KL: variants seen among roughly 807,000 people sequenced by gnomAD.
The protein encoded by KL is alpha-klotho.
Under a neutral mutation model 84.2 loss-of-function variants are expected in KL, and 62 were observed. That is an observed-to-expected ratio of 0.74 (90% CI 0.60 to 0.91). The LOEUF is 0.91. KL is among the 40% of genes least tolerant of loss of function. The pLI is 0.00. For missense variants in KL, 1,261 were observed against 1,305.7 expected, an observed-to-expected ratio of 0.97 and a Z score of 0.53; for synonymous variants, 528 against 528.0, an observed-to-expected ratio of 1.00 and a Z score of 0.00.
intron 1 of KL, among the ~76,000 whole-genome samples, chr13:33,024,358 G>A (rs1870679573): frequency 6.6e-6 from 1 of 152,210 alleles, no homozygotes; most frequent in South Asian, 2.1e-4. Context: ...TTCAGGATAA[G>A]GTGGAGGAGA....
chr13:33,024,566 G>A (rs1295747018), intron 1 of KL, among the ~76,000 whole-genome samples: 1 of 152,212 alleles, frequency 6.6e-6, no homozygotes, highest in East Asian at 1.9e-4. Flanking sequence ...TATTTGTAGG[G>A]CTCTTTTCGT....
In KL at chr13:33,054,069, C is replaced by G. The variant is rs1871859400; in HGVS notation, c.1122C>G (p.Thr374=). ...ADFFALCFGP[T]LSFQLLDPHM... is the part of the protein sequence containing the mutation. ...TTTTTGCTCTTTGCTTTGGACCCAC[C>G]TTGAGTTTTCAACTTTTGGACCCTC... Residue 374 remains threonine (T), a synonymous_variant, in exon 2 of 5, where the codon ACC becomes ACG. Coordinates refer to ENST00000380099, the MANE Select transcript of KL (RefSeq NM_004795.4). The G allele has an allele frequency of 1.2e-6, 2 of 1,613,648 alleles. No individual in the cohort carries two copies. Among genetic ancestry groups the G allele is most frequent in the East Asian group, 2.2e-5 (1 of 44,888 alleles).
At position 33,054,352 on chromosome 13, in the gene KL, A is replaced by G. The variant is rs1871874478; in HGVS notation, c.1330+75A>G. 1.4e-5 allele frequency: 20 copies of G among 1,422,400 alleles called. No homozygotes were observed. In the East Asian group the frequency reaches 4.5e-4, roughly 32 times the overall value. The allele number at this position is 1,422,400 out of a possible 1,614,324, so 88.1% of individuals were successfully genotyped here. A position where few individuals can be genotyped will look rare whatever the true frequency, so the allele number is the denominator to read the frequency against. ...AAATCTCTAAGATTATCTAACATAA[A>G]TGATGTGAATTTATATTTTTAAATC... On this transcript the variant is annotated intron_variant, in intron 2 of 4. Coordinates refer to ENST00000380099, the MANE Select transcript of KL (RefSeq NM_004795.4).
chr13:33,020,606 A>G (rs1050474929), intron 1 of KL, among the ~76,000 whole-genome samples: 1 of 152,082 alleles, frequency 6.6e-6, no homozygotes, highest in Non-Finnish European at 1.5e-5. Context: ...TTACTCTTCC[A>G]GTTGTTGGAC....
rs137860262 is a variant in KL at position 33,063,511 on chromosome 13, G to T, written c.2702-338G>T. Among the ~76,000 whole-genome samples the T allele has an allele frequency of 4.5e-3, 680 of 152,186 alleles. 7 individuals carry two copies. The highest frequency in any genetic ancestry group is 0.014 in the African/African-American group (569 of 41,502). ...AAAGTGGCCGGGCGTGGTGACTCAC[G>T]CCTGTAATCCCAGCACTTTGGGAGG... On this transcript the variant is annotated intron_variant, in intron 4 of 4. Transcript: ENST00000380099.
In KL at chr13:33,064,451, AG is replaced by A. The variant is rs1872332092; in HGVS notation, c.*266del. 2.8e-6 allele frequency: 1 copy of A among 360,370 alleles called. No individual in the cohort carries two copies. Among genetic ancestry groups the A allele is most frequent in the African/African-American group, 2.0e-5 (1 of 48,914 alleles). The allele number at this position is 360,370 out of a possible 1,614,324, so 22.3% of individuals were successfully genotyped here. ...ATAATTTCTGTAACACACTAACAAA[AG>A]CATGAAAAATAGGAACCACACCAAT... On this transcript the variant is annotated 3_prime_UTR_variant, in exon 5 of 5. Coordinates refer to ENST00000380099, the MANE Select transcript of KL (RefSeq NM_004795.4).
intron 1 of KL, among the ~76,000 whole-genome samples, chr13:33,043,466 C>T (rs938783713): frequency 7.2e-5 from 11 of 152,214 alleles, no homozygotes; most frequent in South Asian, 2.1e-4. Context: ...GTGATTCGCC[C>T]GCCTCAGCCT....
upstream of KL, chr13:33,016,397 A>T: frequency 4.4e-6 from 2 of 457,830 alleles, no homozygotes; most frequent in Non-Finnish European, 5.6e-6. Context: ...GCGCGGGCAT[A>T]AAGGGGCGCG....
At chr13:33,049,166 T>G (rs998688603) in intron 1 of KL, among the ~76,000 whole-genome samples, 11 of 152,224 alleles carry the variant, frequency 7.2e-5, no homozygotes, top group African/African-American at 2.7e-4. Flanking sequence ...AATTTATTTT[T>G]TAATGGTATG....
intron 1 of KL, among the ~76,000 whole-genome samples, chr13:33,029,009 G>A (rs1870876051): frequency 6.7e-6 from 1 of 149,618 alleles, no homozygotes; most frequent in Admixed American, 6.7e-5. Context: ...GAGAGAACTG[G>A]GGGAATTGTA....
intron 3 of KL, 40 bp from the exon 4 acceptor site, chr13:33,060,639 A>G: frequency 6.2e-7 from 1 of 1,613,438 alleles, no homozygotes; most frequent in Non-Finnish European, 8.5e-7. Flanking sequence ...CTTCCTCAGG[A>G]CTGCCCAGGT....
intron 1 of KL, among the ~76,000 whole-genome samples, chr13:33,047,576 C>T (rs1042012935): frequency 4.6e-5 from 7 of 152,168 alleles, no homozygotes; most frequent in African/African-American, 7.2e-5. Flanking sequence ...GATCCACCTG[C>T]CTTGGCCTCC....
At chr13:33,036,585 G>T (rs543236134) in intron 1 of KL, among the ~76,000 whole-genome samples, 9 of 152,118 alleles carry the variant, frequency 5.9e-5, no homozygotes, top group Admixed American at 2.0e-4. Context: ...CTCAGGGAAG[G>T]TATCTCATTG....
In KL at chr13:33,055,069, T is replaced by C. The variant is rs747524710; in HGVS notation, c.1353T>C (p.Asp451=). 1 of 1,614,168 alleles carries C rather than the reference T, an allele frequency of 6.2e-7. No homozygotes were observed. The highest frequency in any genetic ancestry group is 8.5e-7 in the Non-Finnish European group (1 of 1,180,036). The part of the protein sequence containing the change: ...TLKAIKLDGV[D]VIGYTAWSLM... Reference sequence around the variant, plus strand: ...CAGCCATCAAGCTGGATGGGGTGGATGTCATCGGGTATACCGCATGGTCCC... The same window carrying C: ...CAGCCATCAAGCTGGATGGGGTGGACGTCATCGGGTATACCGCATGGTCCC... Residue 451 remains aspartate, a synonymous_variant, in exon 3 of 5, where the codon GAT becomes GAC. Transcript: ENST00000380099.
In KL at chr13:33,065,134, T is replaced by G. The variant is rs1053980351; in HGVS notation, c.*948T>G. 1 of 225,210 alleles carries G rather than the reference T, an allele frequency of 4.4e-6. No homozygotes were observed. Among genetic ancestry groups the G allele is most frequent in the Non-Finnish European group, 8.9e-6 (1 of 112,796 alleles). The allele number at this position is 225,210 out of a possible 1,614,324, so 14.0% of individuals were successfully genotyped here. ...TCCCTAGAGAATAAGGATGAAATAA[T>G]CACTCATTCTATGAACAGTGACACT... On this transcript the variant is annotated 3_prime_UTR_variant, in exon 5 of 5. Transcript: ENST00000380099.
At chr13:33,033,488 C>T (rs1871046155) in intron 1 of KL, among the ~76,000 whole-genome samples, 1 of 152,162 alleles carries the variant, frequency 6.6e-6, no homozygotes, top group African/African-American at 2.4e-5. Flanking sequence ...CCACGCCATC[C>T]AGCCACACTG....
rs368499348 is a variant in KL, at chr13:33,024,636, C to A, written c.819+7377C>A. ...AGGATGGGGGCATGGGAGGCAAGCC[C>A]GTTGCCCTGTCAGAGCCTCTTGGGG... On this transcript the variant is annotated intron_variant, in intron 1 of 4. Transcript: ENST00000380099. 3.3e-5 allele frequency among the ~76,000 whole-genome samples: 5 copies of A among 152,328 alleles called. No homozygotes were observed. The East Asian group carries it at 9.6e-4, about 29-fold the overall frequency.
intron 1 of KL, among the ~76,000 whole-genome samples, chr13:33,018,633 A>G (rs1344967915): frequency 6.6e-6 from 1 of 152,200 alleles, no homozygotes; most frequent in Non-Finnish European, 1.5e-5. Context: ...TATGGATCTG[A>G]AAAACTCTAA....
chr13:33,020,055 AC>A (rs1447287255), intron 1 of KL, among the ~76,000 whole-genome samples: 2 of 152,254 alleles, frequency 1.3e-5, no homozygotes, highest in Non-Finnish European at 2.9e-5. Context: ...TTGGAAATAC[AC>A]GTGTTCCCAT....
Sources: gnomAD v4.1 joint callset for allele counts (sites outside exome capture counted in the v4.1 genomes callset) on GRCh38, gnomAD v4.1.1 for gene constraint, MANE v1.5 for transcripts, NCBI Gene and HGNC (gene_info 2026-07-23, HGNC 2026-07-21) for gene names.